The following DBT variants were observed in gnomAD, a reference collection of about 807,000 sequenced individuals.
The protein encoded by DBT is dihydrolipoamide branched chain transacylase E2.
In DBT, 40 loss-of-function variants were observed where a neutral mutation model predicts 51.3. The observed-to-expected ratio is 0.78, with a 90% CI of 0.61 to 1.02. The LOEUF (loss-of-function observed/expected upper bound fraction) is 1.02. DBT is among the 50% of genes least tolerant of loss of function. DBT has a pLI of 0.00. For synonymous variants in DBT, 181 were observed against 190.4 expected (o/e 0.95, Z 0.41); for missense variants, 510 against 580.2 (o/e 0.88, Z 1.24).
At chr1:100,226,639 G>A (rs765166044) in intron 4 of DBT, among the ~76,000 whole-genome samples, 5 of 152,068 alleles carry the variant, frequency 3.3e-5, no homozygotes, top group Admixed American at 6.6e-5. Flanking sequence ...CACCCCTAAC[G>A]CCCAGATTAT....
rs199773873 is a variant in DBT at position 100,218,254 on chromosome 1, C to CT, written c.555+371dup. Among the ~76,000 whole-genome samples the CT allele has an allele frequency of 6.5e-3, 993 of 152,294 alleles. 6 individuals carry two copies. The highest frequency in any genetic ancestry group is 0.023 in the African/African-American group (949 of 41,550). On this transcript the variant is annotated intron_variant, in intron 5 of 10. Transcript: ENST00000370132. ...GTCTGGCCAATTTCCCTTCTCTTCT[C>CT]TTTTTTATCTTGCTTCCTTCAGTCC...
rs889039306 is a variant in DBT at position 100,188,919 on chromosome 1, A to G, written c.*7336T>C. The G allele has an allele frequency of 2.0e-5, 3 of 152,220 alleles. No homozygotes were observed. Among genetic ancestry groups the G allele is most frequent in the Admixed American group, 6.5e-5 (1 of 15,268 alleles). The allele number at this position is 152,220 out of a possible 1,614,324, so 9.4% of individuals were successfully genotyped here. The stretch of plus-strand genomic sequence containing the variant: ...CTAGCACAGTAATTTGCTTGTGGTT[A>G]AAAGCCTTTGTGCTCAGTACTGAGA... On this transcript the variant is annotated 3_prime_UTR_variant, in exon 11 of 11. Coordinates refer to ENST00000370132, the MANE Select transcript of DBT (RefSeq NM_001918.5).
At chr1:100,201,508 G>C (rs1451676321) in intron 10 of DBT, among the ~76,000 whole-genome samples, 1 of 152,038 alleles carries the variant, frequency 6.6e-6, no homozygotes. Flanking sequence ...AAACTTCCCC[G>C]AACTAGCAAG....
intron 8 of DBT, among the ~76,000 whole-genome samples, chr1:100,208,634 C>T (rs1239628217): frequency 6.6e-6 from 1 of 151,674 alleles, no homozygotes; most frequent in East Asian, 1.9e-4. Context: ...CACAGTGGCT[C>T]ATGCCTGTAA....
Position 100,214,949 on chromosome 1 carries a change from T to C in DBT, c.807A>G (p.Ala269=), listed in dbSNP as rs1662394214. 6.2e-7 allele frequency: 1 copy of C among 1,612,824 alleles called. No individual in the cohort carries two copies. The highest frequency in any genetic ancestry group is 2.2e-5 in the East Asian group (1 of 44,876). The change falls in exon 7 of 11, where the codon GCA becomes GCG. Residue 269 remains alanine, a synonymous_variant. Coordinates refer to ENST00000370132, the MANE Select transcript of DBT (RefSeq NM_001918.5). ...AACCAAAATGAGGTATCTTCAGGGC[T>C]GCAGACATAGTCTTGACCATTGCTT... ...FQKAMVKTMS[A]ALKIPHFGYC... is the part of the protein sequence containing the mutation.
intron 2 of DBT, among the ~76,000 whole-genome samples, chr1:100,236,652 T>A (rs1406958061): frequency 6.6e-6 from 1 of 152,244 alleles, no homozygotes; most frequent in East Asian, 1.9e-4. Context: ...CAAAAGCATT[T>A]AAAAAAATTT....
rs1333269773 is a variant in DBT at position 100,191,747 on chromosome 1, TATACACACACAC to T, written c.*4496_*4507del. On this transcript the variant is annotated 3_prime_UTR_variant, in exon 11 of 11. Transcript: ENST00000370132. ...GTGTGTGTATATATATGTGTGTGTG[TATACACACACAC>T]ACACACACACACACACACACACACA... The T allele has an allele frequency of 2.0e-5, 3 of 146,530 alleles. No homozygotes were observed. The highest frequency in any genetic ancestry group is 7.7e-5 in the African/African-American group (3 of 38,724). 9.1% of individuals were successfully genotyped at this position (146,530 alleles called of 1,614,324 possible).
rs1324955054 is a variant in DBT, at chr1:100,187,125, G to GT, written c.*9129dup. 6.6e-6 allele frequency: 1 copy of GT among 152,160 alleles called. No homozygotes were observed. Among genetic ancestry groups the GT allele is most frequent in the Non-Finnish European group, 1.5e-5 (1 of 68,022 alleles). The allele number at this position is 152,160 out of a possible 1,614,324, so 9.4% of individuals were successfully genotyped here. ...TGGTTACCATATTTTTTCCCATTGT[G>GT]TAAAGATAGTTCTCATATGAAATAT... On this transcript the variant is annotated 3_prime_UTR_variant, in exon 11 of 11. Coordinates refer to ENST00000370132, the MANE Select transcript of DBT (RefSeq NM_001918.5).
Position 100,206,454 on chromosome 1 carries a change from G to A in DBT, c.1200C>T (p.Asn400=). The change falls in exon 9 of 11, where the codon AAC becomes AAT. Residue 400 remains asparagine (N), a synonymous_variant. Coordinates refer to ENST00000370132, the MANE Select transcript of DBT (RefSeq NM_001918.5). ...DLTGGTFTLS[N]IGSIGGTFAK... Reference sequence around the variant, plus strand: ...CAACATTATTACTCACTGATCCAATGTTGGAAAGAGTAAATGTTCCTCCTG... The same window carrying A: ...CAACATTATTACTCACTGATCCAATATTGGAAAGAGTAAATGTTCCTCCTG... The A allele has an allele frequency of 6.2e-7, 1 of 1,612,252 alleles. No homozygotes were observed. The highest frequency in any genetic ancestry group is 8.5e-7 in the Non-Finnish European group (1 of 1,178,382).
chr1:100,214,935 G>A lies in DBT; in HGVS notation c.821C>T (p.Pro274Leu). Residue 274 changes from proline to leucine, a missense_variant, in exon 7 of 11, where the codon CCT becomes CTT. By Grantham distance (98) the Pro-to-Leu change is moderately conservative (BLOSUM62 -3). Transcript: ENST00000370132. ...AATCTCATCACAATAACCAAAATGA[G>A]GTATCTTCAGGGCTGCAGACATAGT... ...VKTMSAALKI[P>L]HFGYCDEIDL... 1.2e-6 allele frequency: 2 copies of A among 1,612,520 alleles called. No homozygotes were observed. The highest frequency in any genetic ancestry group is 1.1e-5 in the South Asian group (1 of 91,018).
In DBT at chr1:100,249,812, T is replaced by C. The variant is rs772869478; in HGVS notation, c.9A>G (p.Ala3=). 3.4e-5 allele frequency: 55 copies of C among 1,614,070 alleles called. No homozygotes were observed. Among genetic ancestry groups the C allele is most frequent in the African/African-American group, 1.2e-4 (9 of 74,926 alleles). The change falls in exon 1 of 11, where the codon GCA becomes GCG. Residue 3 remains alanine, a synonymous_variant. Coordinates refer to ENST00000370132, the MANE Select transcript of DBT (RefSeq NM_001918.5). ...TGCTCCAGGTTCTCAGCATACGGACTGCAGCCATCTTACCCCGGAAATGAC... is the reference window on the plus strand; with the variant it reads ...TGCTCCAGGTTCTCAGCATACGGACCGCAGCCATCTTACCCCGGAAATGAC... The part of the protein sequence containing the change: MA[A]VRMLRTWSRN...
chr1:100,247,571 C>A (rs1023029658), intron 1 of DBT, among the ~76,000 whole-genome samples: 2 of 151,240 alleles, frequency 1.3e-5, no homozygotes, highest in African/African-American at 4.9e-5. Context: ...TGGTGGTTCG[C>A]GCCTGTAGTG....
intron 4 of DBT, among the ~76,000 whole-genome samples, chr1:100,229,021 A>T (rs1014577428): frequency 7.2e-5 from 11 of 152,168 alleles, no homozygotes; most frequent in African/African-American, 2.7e-4. Flanking sequence ...TTATAATAAT[A>T]AAAAGTAGTA....
chr1:100,233,735 T>C (rs1663691505), intron 3 of DBT, among the ~76,000 whole-genome samples: 1 of 152,200 alleles, frequency 6.6e-6, no homozygotes, highest in Non-Finnish European at 1.5e-5. Context: ...TGTGTCCAAT[T>C]TCCATTGGCT....
At chr1:100,240,244 C>T (rs1285061201) in intron 2 of DBT, among the ~76,000 whole-genome samples, 2 of 152,182 alleles carry the variant, frequency 1.3e-5, no homozygotes, top group African/African-American at 4.8e-5. Context: ...TGTATGCCAA[C>T]ACAAAGACAC....
intron 4 of DBT, among the ~76,000 whole-genome samples, chr1:100,227,529 A>G (rs1663293550): frequency 6.6e-6 from 1 of 152,238 alleles, no homozygotes; most frequent in South Asian, 2.1e-4. Context: ...CACAACCACT[A>G]AAGCAATTAT....
At chr1:100,222,809 T>C (rs1332742702) in intron 4 of DBT, among the ~76,000 whole-genome samples, 1 of 152,164 alleles carries the variant, frequency 6.6e-6, no homozygotes, top group African/African-American at 2.4e-5. Context: ...TCTCCACTTA[T>C]CTGGTGGTGG....
rs1660982978 is a variant in DBT, at chr1:100,194,520, CA to C, written c.*1734del. On this transcript the variant is annotated 3_prime_UTR_variant, in exon 11 of 11. Transcript: ENST00000370132. ...GCCCAGGTAATTTTTTGTATTTTTACAAAACTGTAGAGATGGGGTTTCACCA... is the reference window on the plus strand; with the variant it reads ...GCCCAGGTAATTTTTTGTATTTTTACAAACTGTAGAGATGGGGTTTCACCA... The C allele has an allele frequency of 1.3e-5, 2 of 151,980 alleles. No individual in the cohort carries two copies. The highest frequency in any genetic ancestry group is 4.8e-5 in the African/African-American group (2 of 41,434). 9.4% of individuals were successfully genotyped at this position (151,980 alleles called of 1,614,324 possible).
intron 8 of DBT, among the ~76,000 whole-genome samples, chr1:100,208,929 AAAAG>A (rs1323500769): frequency 6.6e-6 from 1 of 150,990 alleles, no homozygotes; most frequent in Non-Finnish European, 1.5e-5. Flanking sequence ...AAAAAAAAGA[AAAAG>A]AAAAAAGCAA....
Sources: allele counts gnomAD v4.1 joint callset (sites outside exome capture counted in the v4.1 genomes callset), GRCh38; gene constraint gnomAD v4.1.1; transcripts MANE v1.5; gene names NCBI Gene and HGNC (gene_info 2026-07-23, HGNC 2026-07-21).